ZDHHC2: variants seen among roughly 807,000 people sequenced by gnomAD.
ZDHHC2 encodes the protein zDHHC palmitoyltransferase 2, also known as palmitoyltransferase ZDHHC2.
Under a neutral mutation model 55.6 loss-of-function variants are expected in ZDHHC2, and 51 were observed. The observed-to-expected ratio is 0.92, with a 90% CI of 0.73 to 1.16. The LOEUF (loss-of-function observed/expected upper bound fraction) is 1.16. ZDHHC2 is among the 50% of genes most tolerant of loss of function. The pLI is 0.00. For missense variants in ZDHHC2, 491 were observed against 442.4 expected, an observed-to-expected ratio of 1.11 and a Z score of -0.99; for synonymous variants, 199 against 152.9, an observed-to-expected ratio of 1.30 and a Z score of -2.22.
At chr8:17,189,350 C>T (rs1255793500) in intron 3 of ZDHHC2, among the ~76,000 whole-genome samples, 1 of 152,084 alleles carries the variant, frequency 6.6e-6, no homozygotes, top group Admixed American at 6.6e-5. Flanking sequence ...TAACATTTAC[C>T]ATCATGGCAA....
intron 1 of ZDHHC2, among the ~76,000 whole-genome samples, chr8:17,163,156 G>A (rs1049521913): frequency 1.3e-5 from 2 of 152,224 alleles, no homozygotes; most frequent in African/African-American, 2.4e-5. Context: ...GGACAGAAAC[G>A]AAGGGCAGGC....
intron 6 of ZDHHC2, among the ~76,000 whole-genome samples, chr8:17,203,252 T>C (rs1806904236): frequency 6.6e-6 from 1 of 151,876 alleles, no homozygotes; most frequent in South Asian, 2.1e-4. Flanking sequence ...TTTACTTTAT[T>C]AATTAACTTT....
rs922434892 is a variant in ZDHHC2 at position 17,207,882 on chromosome 8, T to C, written c.598-78T>C. ...GAAAAATTTTAAGCAAAAAAAAAAA[T>C]CTTACTAATTTACTTATAAAAGTAG... On this transcript the variant is annotated intron_variant, in intron 7 of 12. Coordinates refer to ENST00000262096, the MANE Select transcript of ZDHHC2 (RefSeq NM_016353.5). 8 of 1,154,518 alleles carry C rather than the reference T, an allele frequency of 6.9e-6. No individual in the cohort carries two copies. The African/African-American group carries it at 1.1e-4, about 16-fold the overall frequency. The allele number at this position is 1,154,518 out of a possible 1,614,324, so 71.5% of individuals were successfully genotyped here. A position where few individuals can be genotyped will look rare whatever the true frequency, so the allele number is the denominator to read the frequency against.
chr8:17,177,155 A>T (rs1216503101), intron 1 of ZDHHC2, among the ~76,000 whole-genome samples: 4 of 152,192 alleles, frequency 2.6e-5, no homozygotes, highest in Non-Finnish European at 4.4e-5. Flanking sequence ...TTTTTCCAAA[A>T]GAAGAGCATA....
chr8:17,203,676 G>T (rs1448933223), intron 6 of ZDHHC2, among the ~76,000 whole-genome samples: 2 of 152,118 alleles, frequency 1.3e-5, no homozygotes, highest in African/African-American at 4.8e-5. Context: ...ATTATTTCCT[G>T]CCATGATTCC....
intron 12 of ZDHHC2, among the ~76,000 whole-genome samples, chr8:17,218,910 T>A (rs1035161775): frequency 3.3e-5 from 5 of 152,192 alleles, no homozygotes; most frequent in African/African-American, 1.2e-4. Flanking sequence ...CCAGTTGTAT[T>A]TATATCAAAT....
At chr8:17,184,697 A>T in intron 1 of ZDHHC2, 92 bp from the exon 2 acceptor site, 1 of 1,043,862 alleles carries the variant, frequency 9.6e-7, no homozygotes, top group Non-Finnish European at 1.4e-6. Context: ...AAGGGAAGCC[A>T]CATTATTAAG....
At chr8:17,184,687 A>C in intron 1 of ZDHHC2, 102 bp from the exon 2 acceptor site, 1 of 941,824 alleles carries the variant, frequency 1.1e-6, no homozygotes, top group South Asian at 1.7e-5. Flanking sequence ...TGTTGGTTTG[A>C]AGGGAAGCCA....
intron 8 of ZDHHC2, 70 bp from the exon 9 acceptor site, chr8:17,209,862 T>C (rs1285226682): frequency 1.4e-6 from 2 of 1,464,192 alleles, no homozygotes; most frequent in East Asian, 2.5e-5. Flanking sequence ...ACTTCAATTA[T>C]TGATAAATAT....
intron 6 of ZDHHC2, among the ~76,000 whole-genome samples, chr8:17,199,545 C>CG (rs1563161293): frequency 0.045 from 2,514 of 55,608 alleles, 245 homozygotes; most frequent in African/African-American, 0.11. Context: ...TCTTCGTCTT[C>CG]TGTCTTCGTC....
chr8:17,180,515 AG>A, intron 1 of ZDHHC2, among the ~76,000 whole-genome samples: 1 of 152,320 alleles, frequency 6.6e-6, no homozygotes, highest in East Asian at 1.9e-4. Context: ...TTCCTTGTTT[AG>A]CCCCCTTTCC....
At chr8:17,197,717 T>G (rs1228210609) in intron 5 of ZDHHC2, 66 bp downstream of exon 5, 2 of 1,468,676 alleles carry the variant, frequency 1.4e-6, no homozygotes, top group Non-Finnish European at 1.9e-6. Flanking sequence ...TATGTTTCTT[T>G]TCTCACTGTT....
chr8:17,183,184 G>A (rs1452057797), intron 1 of ZDHHC2, among the ~76,000 whole-genome samples: 1 of 152,188 alleles, frequency 6.6e-6, no homozygotes, highest in African/African-American at 2.4e-5. Context: ...GTCAGTAAGG[G>A]TCATTCATAT....
chr8:17,172,733 GT>G (rs1306528661), intron 1 of ZDHHC2, among the ~76,000 whole-genome samples: 2 of 152,310 alleles, frequency 1.3e-5, no homozygotes, highest in African/African-American at 2.4e-5. Context: ...TGAGAAATGT[GT>G]TTTAGGAGTG....
At chr8:17,169,406 G>A (rs987180008) in intron 1 of ZDHHC2, among the ~76,000 whole-genome samples, 1 of 152,100 alleles carries the variant, frequency 6.6e-6, no homozygotes, top group Admixed American at 6.6e-5. Flanking sequence ...AAACTCGAGG[G>A]CCTCTAGCTT....
chr8:17,185,756 A>G (rs1028237901), intron 2 of ZDHHC2, among the ~76,000 whole-genome samples: 1 of 152,242 alleles, frequency 6.6e-6, no homozygotes, highest in Admixed American at 6.5e-5. Flanking sequence ...TGAAAAAAGT[A>G]TTCAGAACAC....
intron 8 of ZDHHC2, among the ~76,000 whole-genome samples, chr8:17,209,016 G>A (rs1807242326): frequency 6.6e-6 from 1 of 152,020 alleles, no homozygotes; most frequent in African/African-American, 2.4e-5. Context: ...TTTTAATGGA[G>A]AAAAATCATT....
chr8:17,175,037 A>G (rs955548005), intron 1 of ZDHHC2, among the ~76,000 whole-genome samples: 3 of 152,122 alleles, frequency 2.0e-5, no homozygotes, highest in Non-Finnish European at 4.4e-5. Context: ...ACATTGTGCT[A>G]TTCTTCAGGA....
chr8:17,164,849 T>G (rs1804525409), intron 1 of ZDHHC2, among the ~76,000 whole-genome samples: 1 of 152,186 alleles, frequency 6.6e-6, no homozygotes, highest in East Asian at 1.9e-4. Context: ...TTTACTGCAT[T>G]ATGTGAATGG....
Sources: allele counts gnomAD v4.1 joint callset (sites outside exome capture counted in the v4.1 genomes callset), GRCh38; gene constraint gnomAD v4.1.1; transcripts MANE v1.5; gene names NCBI Gene and HGNC (gene_info 2026-07-23, HGNC 2026-07-21).